The following AFG1L variants were observed in gnomAD, a reference collection of about 807,000 sequenced individuals.
AFG1L encodes AFG1-like ATPase.
A neutral mutation model predicts 62.2 loss-of-function variants in AFG1L; 53 were observed. The ratio of observed to expected loss-of-function variants is 0.85; its 90% CI spans 0.68 to 1.07. The LOEUF is 1.07. Among genes scored for constraint, AFG1L ranks in the 50% least tolerant of loss-of-function variants. The pLI, the probability that AFG1L is intolerant of heterozygous loss-of-function variation, is 0.00. For synonymous variants in AFG1L, 228 were observed against 210.3 expected, an observed-to-expected ratio of 1.08 and a Z score of -0.73; for missense variants, 555 against 590.5, an observed-to-expected ratio of 0.94 and a Z score of 0.62.
intron 10 of AFG1L, among the ~76,000 whole-genome samples, chr6:108,499,803 TA>T (rs1212189717): frequency 1.3e-5 from 2 of 151,926 alleles, no homozygotes; most frequent in African/African-American, 2.4e-5. Flanking sequence ...GGAATTTTTT[TA>T]AAAAAATAAT....
intron 6 of AFG1L, chr6:108,372,974 G>A (rs1562116251): frequency 6.6e-6 from 1 of 152,218 alleles, no homozygotes; most frequent in Non-Finnish European, 1.5e-5. Flanking sequence ...CTCAGTGGTT[G>A]CCTTGTGCCC....
At chr6:108,377,465 C>T (rs1780297662) in intron 6 of AFG1L, among the ~76,000 whole-genome samples, 1 of 152,064 alleles carries the variant, frequency 6.6e-6, no homozygotes. Context: ...TTGGCACTTG[C>T]TTGTCTGGAA....
chr6:108,471,805 G>A (rs554427538), intron 8 of AFG1L, among the ~76,000 whole-genome samples: 3 of 151,938 alleles, frequency 2.0e-5, no homozygotes, highest in African/African-American at 7.3e-5. Context: ...TATAATTATG[G>A]GACCATGTTT....
chr6:108,519,388 G>A (rs908182605), intron 11 of AFG1L, among the ~76,000 whole-genome samples: 1 of 152,176 alleles, frequency 6.6e-6, no homozygotes, highest in African/African-American at 2.4e-5. Context: ...AAAAGCATTG[G>A]ACTAAGAACT....
At position 108,361,623 on chromosome 6, in the gene AFG1L, G is replaced by T. The variant is rs1035034914; in HGVS notation, c.649-4610G>T. On this transcript the variant is annotated intron_variant, in intron 5 of 12. Transcript: ENST00000368977. The stretch of plus-strand genomic sequence containing the variant: ...TTGTAAGCAAGAGCTATGCCTCTAA[G>T]CTCTTATCTCTGGCCACAGGCTTGA... Among the ~76,000 whole-genome samples, 16 of 152,160 alleles carry T rather than the reference G, an allele frequency of 1.1e-4. 1 individual carries two copies. The highest frequency in any genetic ancestry group is 8.5e-4 in the Admixed American group (13 of 15,282).
At chr6:108,410,902 G>A (rs1782069795) in intron 7 of AFG1L, among the ~76,000 whole-genome samples, 1 of 152,150 alleles carries the variant, frequency 6.6e-6, no homozygotes, top group Admixed American at 6.5e-5. Flanking sequence ...TCCAACTGAG[G>A]TATCGGGTTC....
chr6:108,436,988 C>T (rs1025061444), intron 7 of AFG1L, among the ~76,000 whole-genome samples: 1 of 152,108 alleles, frequency 6.6e-6, no homozygotes, highest in Non-Finnish European at 1.5e-5. Flanking sequence ...GGTGAGGGCT[C>T]CCTTTCTGAT....
chr6:108,351,720 T>C (rs1388898339), intron 3 of AFG1L, among the ~76,000 whole-genome samples: 1 of 152,176 alleles, frequency 6.6e-6, no homozygotes, highest in Non-Finnish European at 1.5e-5. Context: ...TCAATTGTTT[T>C]TATTATGGTA....
chr6:108,493,196 ACAG>A (rs1303418893), intron 10 of AFG1L, among the ~76,000 whole-genome samples: 1 of 152,222 alleles, frequency 6.6e-6, no homozygotes, highest in Non-Finnish European at 1.5e-5. Context: ...AAGTGTTCCC[ACAG>A]CATCTGATAA....
chr6:108,434,880 G>A (rs534740181), intron 7 of AFG1L, among the ~76,000 whole-genome samples: 2 of 152,270 alleles, frequency 1.3e-5, no homozygotes, highest in East Asian at 1.9e-4. Context: ...ATCTCTAGAT[G>A]TATAGGTGAT....
chr6:108,309,612 C>G (rs1777327949), intron 1 of AFG1L, among the ~76,000 whole-genome samples: 1 of 152,052 alleles, frequency 6.6e-6, no homozygotes, highest in Non-Finnish European at 1.5e-5. Context: ...AACTGTTCAC[C>G]TATTGGAAAA....
intron 7 of AFG1L, among the ~76,000 whole-genome samples, chr6:108,423,960 A>G (rs1258673793): frequency 2.0e-5 from 3 of 152,176 alleles, no homozygotes; most frequent in Non-Finnish European, 2.9e-5. Context: ...ACTGTTTAAA[A>G]TAACTTAAAT....
chr6:108,400,658 A>G (rs9486875), intron 6 of AFG1L, among the ~76,000 whole-genome samples: 7 of 110,214 alleles, frequency 6.4e-5, no homozygotes, highest in Non-Finnish European at 1.2e-4. Context: ...TATGTATAAT[A>G]TATATAATTT....
intron 2 of AFG1L, among the ~76,000 whole-genome samples, chr6:108,330,940 A>G (rs1040428510): frequency 2.6e-5 from 4 of 152,200 alleles, no homozygotes; most frequent in Admixed American, 6.5e-5. Flanking sequence ...ACATGTGCTA[A>G]GTAGGATTTA....
At chr6:108,331,840 G>A (rs1324390165) in intron 2 of AFG1L, among the ~76,000 whole-genome samples, 4 of 152,142 alleles carry the variant, frequency 2.6e-5, no homozygotes, top group Non-Finnish European at 5.9e-5. Flanking sequence ...TCTATAGGCA[G>A]CCAGGTTTTT....
At position 108,403,774 on chromosome 6, in the gene AFG1L, A is replaced by C. The variant is rs1781731783; in HGVS notation, c.807+1720A>C. ...CAAGTTAAGGGGTTCTGAGGGAACAACTTTGTAGCTGTACTTTTTTTTTTT... is the reference window on the plus strand; with the variant it reads ...CAAGTTAAGGGGTTCTGAGGGAACACCTTTGTAGCTGTACTTTTTTTTTTT... On this transcript the variant is annotated intron_variant, in intron 7 of 12. Coordinates refer to ENST00000368977, the MANE Select transcript of AFG1L (RefSeq NM_145315.5). Among the ~76,000 whole-genome samples, 5 of 152,142 alleles carry C rather than the reference A, an allele frequency of 3.3e-5. No individual in the cohort carries two copies. In the South Asian group the frequency reaches 1.0e-3, roughly 32 times the overall value.
chr6:108,349,040 A>T (rs1778975390), intron 3 of AFG1L, among the ~76,000 whole-genome samples: 1 of 152,260 alleles, frequency 6.6e-6, no homozygotes. Context: ...AAGATGTGAT[A>T]GTATGGGATG....
At chr6:108,349,614 C>A (rs1180523984) in intron 3 of AFG1L, among the ~76,000 whole-genome samples, 1 of 151,966 alleles carries the variant, frequency 6.6e-6, no homozygotes, top group Non-Finnish European at 1.5e-5. Flanking sequence ...ACTTGGGAAA[C>A]AGGTATTAAA....
At chr6:108,449,970 A>C (rs1582605897) in intron 8 of AFG1L, among the ~76,000 whole-genome samples, 1 of 152,180 alleles carries the variant, frequency 6.6e-6, no homozygotes, top group African/African-American at 2.4e-5. Context: ...CATGGTGTAC[A>C]TGTGCCACAT....
Sources: gnomAD v4.1 joint callset for allele counts (sites outside exome capture counted in the v4.1 genomes callset) on GRCh38, gnomAD v4.1.1 for gene constraint, MANE v1.5 for transcripts, NCBI Gene and HGNC (gene_info 2026-07-23, HGNC 2026-07-21) for gene names.